Variants in CADM2 observed in about 807,000 individuals in gnomAD.
The protein encoded by CADM2 is immunoglobulin superfamily member 4D.
CADM2 carries 12 observed loss-of-function variants against 49.8 expected under a neutral mutation model. The observed-to-expected ratio is 0.24, with a 90% CI of 0.15 to 0.39. The LOEUF (loss-of-function observed/expected upper bound fraction) is 0.39. Among genes scored for constraint, CADM2 ranks in the 10% least tolerant of loss-of-function variants. CADM2 has a pLI of 1.00. For missense variants in CADM2, 378 were observed against 492.3 expected (o/e 0.77, Z 2.20); for synonymous variants, 214 against 175.4 (o/e 1.22, Z -1.74).
At chr3:85,741,305 CTG>C (rs1377317767) in intron 2 of CADM2, among the ~76,000 whole-genome samples, 1 of 150,506 alleles carries the variant, frequency 6.6e-6, no homozygotes, top group Admixed American at 6.7e-5. Context: ...TCACTCACTC[CTG>C]TCTTTGATGA....
chr3:85,089,678 A>C (rs2037519471), intron 1 of CADM2, among the ~76,000 whole-genome samples: 1 of 152,092 alleles, frequency 6.6e-6, no homozygotes, highest in South Asian at 2.1e-4. Flanking sequence ...TTTTTGTCTT[A>C]ATTAGAGTAC....
At chr3:85,970,073 T>TA (rs1345436139) in intron 8 of CADM2, among the ~76,000 whole-genome samples, 1 of 148,950 alleles carries the variant, frequency 6.7e-6, no homozygotes, top group Non-Finnish European at 1.5e-5. Context: ...GTCACCAAAA[T>TA]AATAACCTTT....
chr3:85,667,731 G>A (rs2065611584), intron 1 of CADM2, among the ~76,000 whole-genome samples: 1 of 151,928 alleles, frequency 6.6e-6, no homozygotes, highest in Admixed American at 6.6e-5. Context: ...CATCAATTCA[G>A]GACAGGCAAA....
At chr3:86,059,026 G>A (rs931864645) in intron 8 of CADM2, among the ~76,000 whole-genome samples, 1 of 151,302 alleles carries the variant, frequency 6.6e-6, no homozygotes, top group Non-Finnish European at 1.5e-5. Flanking sequence ...CCCAGGAGGC[G>A]GAGGTTGCAG....
At chr3:85,916,117 A>G (rs952177171) in intron 6 of CADM2, among the ~76,000 whole-genome samples, 1 of 152,184 alleles carries the variant, frequency 6.6e-6, no homozygotes, top group Non-Finnish European at 1.5e-5. Flanking sequence ...AATGTTTTTA[A>G]AAATAAAATA....
chr3:85,744,531 T>TAATA (rs540954249), intron 2 of CADM2, among the ~76,000 whole-genome samples: 35 of 151,572 alleles, frequency 2.3e-4, no homozygotes, highest in Admixed American at 4.6e-4. Flanking sequence ...TAAAGATAAA[T>TAATA]AATAAATAAA....
intron 8 of CADM2, among the ~76,000 whole-genome samples, chr3:86,006,891 A>G (rs1362248144): frequency 2.6e-5 from 4 of 151,972 alleles, no homozygotes; most frequent in Admixed American, 6.6e-5. Context: ...AAATACAAAA[A>G]TTAGCTAGGC....
At chr3:85,760,501 C>T (rs1559638250) in intron 2 of CADM2, among the ~76,000 whole-genome samples, 2 of 152,136 alleles carry the variant, frequency 1.3e-5, no homozygotes, top group African/African-American at 2.4e-5. Flanking sequence ...ATAAACAACT[C>T]ATCGACATGA....
At chr3:85,291,724 A>G (rs2043802621) in intron 1 of CADM2, among the ~76,000 whole-genome samples, 2 of 147,718 alleles carry the variant, frequency 1.4e-5, no homozygotes, top group South Asian at 4.1e-4. Context: ...AATACTTTAC[A>G]GACAAGCAAA....
chr3:85,591,603 A>G (rs1458654032), intron 1 of CADM2, among the ~76,000 whole-genome samples: 1 of 151,990 alleles, frequency 6.6e-6, no homozygotes, highest in Non-Finnish European at 1.5e-5. Context: ...GGGGAAGAGC[A>G]GATGGTTGGG....
intron 1 of CADM2, among the ~76,000 whole-genome samples, chr3:85,096,273 A>G (rs1453294675): frequency 6.6e-6 from 1 of 152,138 alleles, no homozygotes; most frequent in Non-Finnish European, 1.5e-5. Flanking sequence ...AATTTTATAC[A>G]CTTATTACAC....
intron 2 of CADM2, among the ~76,000 whole-genome samples, chr3:85,728,551 G>C (rs914006530): frequency 2.0e-5 from 3 of 151,900 alleles, no homozygotes; most frequent in Admixed American, 2.0e-4. Flanking sequence ...AAAAAAAAAA[G>C]TGGATAAGAG....
At chr3:86,020,881 A>T (rs984501984) in intron 8 of CADM2, among the ~76,000 whole-genome samples, 5 of 152,158 alleles carry the variant, frequency 3.3e-5, no homozygotes, top group Non-Finnish European at 7.3e-5. Context: ...AGCCAATATC[A>T]TACTGAATGG....
At chr3:85,674,016 C>T (rs552367548) in intron 1 of CADM2, among the ~76,000 whole-genome samples, 6 of 152,160 alleles carry the variant, frequency 3.9e-5, no homozygotes, top group East Asian at 3.9e-4. Context: ...TCTGTTTCTC[C>T]GGGTCATTCA....
chr3:86,011,841 A>G (rs544215321), intron 8 of CADM2, among the ~76,000 whole-genome samples: 2 of 152,300 alleles, frequency 1.3e-5, no homozygotes, highest in East Asian at 1.9e-4. Flanking sequence ...CTTAGAAACC[A>G]TAATGGGAAT....
chr3:85,405,563 T>C lies in CADM2; in HGVS notation c.62-320959T>C, dbSNP rs149177430. 6.0e-3 allele frequency among the ~76,000 whole-genome samples: 910 copies of C among 152,250 alleles called. 9 individuals are homozygous for C. The highest frequency in any genetic ancestry group is 0.019 in the African/African-American group (798 of 41,544). On this transcript the variant is annotated intron_variant, in intron 1 of 9. Transcript: ENST00000383699. ...CAAGGATCTATTTTTGTGATCAAGGTTGCCCTCACTCAAAAGTAATTCAAA... is the reference window on the plus strand; with the variant it reads ...CAAGGATCTATTTTTGTGATCAAGGCTGCCCTCACTCAAAAGTAATTCAAA...
chr3:85,637,780 T>G (rs1022597206), intron 1 of CADM2, among the ~76,000 whole-genome samples: 28 of 152,038 alleles, frequency 1.8e-4, no homozygotes, highest in Non-Finnish European at 2.9e-4. Flanking sequence ...TCTTCTTATT[T>G]CAAAACCCAT....
chr3:85,148,127 G>A (rs1197525985), intron 1 of CADM2, among the ~76,000 whole-genome samples: 1 of 152,178 alleles, frequency 6.6e-6, no homozygotes, highest in Non-Finnish European at 1.5e-5. Context: ...ATCACAGCGT[G>A]TAAACAGACA....
intron 1 of CADM2, among the ~76,000 whole-genome samples, chr3:85,146,811 G>A (rs2039757795): frequency 2.0e-5 from 3 of 152,130 alleles, no homozygotes; most frequent in South Asian, 2.1e-4. Context: ...TAATTGTATC[G>A]TGTGACATTT....
Sources: gnomAD v4.1 joint callset for allele counts (sites outside exome capture counted in the v4.1 genomes callset) on GRCh38, gnomAD v4.1.1 for gene constraint, MANE v1.5 for transcripts, NCBI Gene and HGNC (gene_info 2026-07-23, HGNC 2026-07-21) for gene names.